Variants in VPS13B observed in about 807,000 individuals in gnomAD.
The protein encoded by VPS13B is vacuolar protein sorting 13 homolog B.
In VPS13B, 285 loss-of-function variants were observed where a neutral mutation model predicts 426.4. The observed-to-expected ratio is 0.67, with a 90% CI of 0.61 to 0.74. The LOEUF (loss-of-function observed/expected upper bound fraction) is 0.74, where lower values mean the gene tolerates loss of function less well. VPS13B is among the 30% of genes least tolerant of loss of function. The pLI, the probability that VPS13B is intolerant of heterozygous loss-of-function variation, is 0.00. For missense variants in VPS13B, 4,537 were observed against 4,782.6 expected, an observed-to-expected ratio of 0.95 and a Z score of 1.51; for synonymous variants, 1,676 against 1,676.4, an observed-to-expected ratio of 1.00 and a Z score of 0.01.
rs1056268825 is a variant in VPS13B at position 99,167,894 on chromosome 8, G to A, written c.2209-2145G>A. ...TTAGTTTGCAACATTTACCAAACCA[G>A]TTTTTGAATATGTGAGCTATCCTTC... On this transcript the variant is annotated intron_variant, in intron 15 of 61. Coordinates refer to ENST00000357162, the MANE Select transcript of VPS13B (RefSeq NM_152564.5). Among the ~76,000 whole-genome samples, 124 of 152,136 alleles carry A rather than the reference G, an allele frequency of 8.2e-4. 1 individual carries two copies. The highest frequency in any genetic ancestry group is 2.1e-4 in the Non-Finnish European group (14 of 67,930).
chr8:99,275,335 ATTTTT>A, intron 19 of VPS13B, 81 bp downstream of exon 19: 1 of 937,670 alleles, frequency 1.1e-6, no homozygotes, highest in Non-Finnish European at 1.4e-6. Flanking sequence ...ATTGGTATAT[ATTTTT>A]TTTTTTTTAG....
chr8:99,301,857 G>T (rs961523505), intron 19 of VPS13B, among the ~76,000 whole-genome samples: 1 of 151,038 alleles, frequency 6.6e-6, no homozygotes, highest in Non-Finnish European at 1.5e-5. Flanking sequence ...AAACTCTTGG[G>T]CTCAAGAGAT....
intron 30 of VPS13B, among the ~76,000 whole-genome samples, chr8:99,545,047 A>G (rs902425007): frequency 1.3e-5 from 2 of 152,144 alleles, no homozygotes; most frequent in Admixed American, 6.6e-5. Flanking sequence ...TCAAAACAAT[A>G]TAGAGTACAA....
chr8:99,106,415 A>G (rs1419474382), intron 5 of VPS13B, among the ~76,000 whole-genome samples: 2 of 135,312 alleles, frequency 1.5e-5, no homozygotes, highest in African/African-American at 5.5e-5. Context: ...AGCCTTGGCG[A>G]TAGAGTGAGA....
chr8:99,556,701 C>A, intron 31 of VPS13B, 48 bp downstream of exon 31: 1 of 1,584,716 alleles, frequency 6.3e-7, no homozygotes, highest in South Asian at 1.1e-5. Context: ...ACTTCATTGC[C>A]AGAATAGTTG....
chr8:99,664,182 T>C (rs760773290), intron 35 of VPS13B, among the ~76,000 whole-genome samples: 16 of 152,032 alleles, frequency 1.1e-4, no homozygotes, highest in Non-Finnish European at 2.2e-4. Context: ...AATTTTTGTA[T>C]TTTTAGTAGA....
intron 55 of VPS13B, among the ~76,000 whole-genome samples, chr8:99,849,628 T>G (rs1160427129): frequency 1.3e-5 from 2 of 152,166 alleles, no homozygotes; most frequent in Non-Finnish European, 2.9e-5. Flanking sequence ...TTAAGTGTGT[T>G]AGGAGTTTCA....
At chr8:99,060,543 A>T (rs376320604) in intron 3 of VPS13B, among the ~76,000 whole-genome samples, 2 of 151,424 alleles carry the variant, frequency 1.3e-5, no homozygotes, top group Admixed American at 1.3e-4. Flanking sequence ...TAGGAGGCGG[A>T]TTTTGCAGTG....
chr8:99,349,480 A>G (rs1301226436), intron 19 of VPS13B, among the ~76,000 whole-genome samples: 1 of 152,162 alleles, frequency 6.6e-6, no homozygotes, highest in Non-Finnish European at 1.5e-5. Context: ...AGAAAATCAC[A>G]TTTAGCACAG....
rs1588822421 is a variant in VPS13B, at chr8:99,877,228, G to GACTT, written c.*1564_*1567dup. 1 of 152,472 alleles carries GACTT rather than the reference G, an allele frequency of 6.6e-6. No homozygotes were observed. Among genetic ancestry groups the GACTT allele is most frequent in the South Asian group, 2.1e-4 (1 of 4,826 alleles). The allele number at this position is 152,472 out of a possible 1,614,324, so 9.4% of individuals were successfully genotyped here. A position where few individuals can be genotyped will look rare whatever the true frequency, so the allele number is the denominator to read the frequency against. ...CTATATAATTGTTACTGGAAAGCAA[G>GACTT]ACTTAACGAACAATTCTGACTATGA... On this transcript the variant is annotated 3_prime_UTR_variant, in exon 62 of 62. Transcript: ENST00000357162.
chr8:99,367,759 T>C (rs1812970184), intron 19 of VPS13B, among the ~76,000 whole-genome samples: 1 of 152,238 alleles, frequency 6.6e-6, no homozygotes, highest in South Asian at 2.1e-4. Flanking sequence ...GTTCAAGCTG[T>C]TCTCCTGCCT....
intron 54 of VPS13B, among the ~76,000 whole-genome samples, chr8:99,837,211 CAG>C (rs1304653234): frequency 3.3e-5 from 5 of 152,042 alleles, no homozygotes; most frequent in Non-Finnish European, 5.9e-5. Context: ...TGGCTGGAGA[CAG>C]GGGAAGGGAT....
intron 20 of VPS13B, 27 bp from the exon 21 acceptor site, chr8:99,391,530 A>G: frequency 1.9e-6 from 3 of 1,614,044 alleles, no homozygotes; most frequent in Non-Finnish European, 2.5e-6. Context: ...TAAAAACTAA[A>G]AAGGTTTTCA....
chr8:99,304,242 C>T (rs1013645912), intron 19 of VPS13B, among the ~76,000 whole-genome samples: 16 of 152,008 alleles, frequency 1.1e-4, no homozygotes, highest in Admixed American at 7.9e-4. Context: ...TATAATGGCT[C>T]GAGTTTTTGG....
At chr8:99,265,810 A>C (rs1213590055) in intron 17 of VPS13B, among the ~76,000 whole-genome samples, 1 of 152,168 alleles carries the variant, frequency 6.6e-6, no homozygotes, top group African/African-American at 2.4e-5. Flanking sequence ...AATTACCCAC[A>C]GGCACTTTTC....
chr8:99,064,856 G>A (rs1350097271), intron 3 of VPS13B, among the ~76,000 whole-genome samples: 1 of 152,182 alleles, frequency 6.6e-6, no homozygotes, highest in Non-Finnish European at 1.5e-5. Context: ...GGCAGCCAGA[G>A]AGAAAGGTCG....
chr8:99,136,861 C>G, intron 12 of VPS13B, 109 bp downstream of exon 12: 1 of 1,039,400 alleles, frequency 9.6e-7, no homozygotes. Context: ...TAAGATTTAT[C>G]TTCTAGTACT....
intron 17 of VPS13B, among the ~76,000 whole-genome samples, chr8:99,261,132 A>G (rs1818017766): frequency 6.6e-6 from 1 of 152,004 alleles, no homozygotes; most frequent in South Asian, 2.1e-4. Flanking sequence ...ATGTGTCACA[A>G]TTACTCAAGT....
At chr8:99,227,626 TC>T (rs1816085808) in intron 17 of VPS13B, among the ~76,000 whole-genome samples, 1 of 152,134 alleles carries the variant, frequency 6.6e-6, no homozygotes, top group Non-Finnish European at 1.5e-5. Context: ...TGAATGAAGT[TC>T]AGTTTTATTT....
Sources: allele counts gnomAD v4.1 joint callset (sites outside exome capture counted in the v4.1 genomes callset), GRCh38; gene constraint gnomAD v4.1.1; transcripts MANE v1.5; gene names NCBI Gene and HGNC (gene_info 2026-07-23, HGNC 2026-07-21).